KCNH1: variants seen among roughly 807,000 people sequenced by gnomAD.
KCNH1 encodes voltage-gated delayed rectifier potassium channel KCNH1.
KCNH1 carries 27 observed loss-of-function variants against 69.2 expected under a neutral mutation model. That is an observed-to-expected ratio of 0.39 (90% CI 0.29 to 0.54). The LOEUF (loss-of-function observed/expected upper bound fraction) is 0.54, where lower values mean the gene tolerates loss of function less well. KCNH1 is among the 20% of genes least tolerant of loss of function. The pLI, the probability that KCNH1 is intolerant of heterozygous loss-of-function variation, is 0.68. For missense variants in KCNH1, 798 were observed against 1,261.6 expected (o/e 0.63, Z 5.57); for synonymous variants, 456 against 487.7 (o/e 0.93, Z 0.86).
chr1:211,122,658 G>A (rs938129361), intron 1 of KCNH1, among the ~76,000 whole-genome samples: 4 of 152,200 alleles, frequency 2.6e-5, no homozygotes, highest in Non-Finnish European at 5.9e-5. Context: ...AAAAAGGAAT[G>A]AGATCATGTC....
chr1:210,680,295 AATG>A lies in KCNH1; in HGVS notation c.*2983_*2985del, dbSNP rs1453911756. ...CTCTGGGAAATGGAGCTTCAATATG[AATG>A]ACATTCAAAGTAAAGAATTTAGTAG... On this transcript the variant is annotated 3_prime_UTR_variant, in exon 11 of 11. Transcript: ENST00000271751. 1 of 152,148 alleles carries A rather than the reference AATG, an allele frequency of 6.6e-6. No individual in the cohort carries two copies. The highest frequency in any genetic ancestry group is 1.5e-5 in the Non-Finnish European group (1 of 68,038). The allele number at this position is 152,148 out of a possible 1,614,324, so 9.4% of individuals were successfully genotyped here.
intron 10 of KCNH1, among the ~76,000 whole-genome samples, chr1:210,726,326 T>C (rs993487436): frequency 1.3e-5 from 2 of 152,120 alleles, no homozygotes. Context: ...TGGGAGCAAA[T>C]TGATTATTCA....
chr1:210,845,324 C>G (rs1685515004), intron 7 of KCNH1, among the ~76,000 whole-genome samples: 1 of 152,138 alleles, frequency 6.6e-6, no homozygotes, highest in African/African-American at 2.4e-5. Context: ...ATGCAAAAAT[C>G]CTCAATAAAA....
chr1:210,925,822 G>A (rs1389654415), intron 6 of KCNH1, among the ~76,000 whole-genome samples: 2 of 152,122 alleles, frequency 1.3e-5, no homozygotes, highest in African/African-American at 4.8e-5. Context: ...ATAATCTCTT[G>A]GGAGCCTATT....
chr1:211,007,943 T>C (rs760922474), intron 6 of KCNH1, among the ~76,000 whole-genome samples: 19 of 152,168 alleles, frequency 1.2e-4, no homozygotes, highest in Non-Finnish European at 2.5e-4. Context: ...CCTTGAGCAC[T>C]GTTGGTGGGA....
chr1:211,113,844 C>T (rs1303346259), intron 1 of KCNH1, among the ~76,000 whole-genome samples: 1 of 148,652 alleles, frequency 6.7e-6, no homozygotes, highest in Non-Finnish European at 1.5e-5. Flanking sequence ...CTAGGATCAA[C>T]TGGGGTGGGT....
intron 4 of KCNH1, among the ~76,000 whole-genome samples, chr1:211,086,099 C>A (rs190144769): frequency 6.6e-6 from 1 of 152,182 alleles, no homozygotes; most frequent in African/African-American, 2.4e-5. Context: ...GAGGCTCTAT[C>A]GCAGGTGTTT....
chr1:211,108,096 C>A (rs1228458919), intron 1 of KCNH1, among the ~76,000 whole-genome samples: 1 of 152,214 alleles, frequency 6.6e-6, no homozygotes, highest in Non-Finnish European at 1.5e-5. Flanking sequence ...ACCACACACT[C>A]ATAATGCAGG....
chr1:211,054,682 C>T (rs1453969630), intron 5 of KCNH1, among the ~76,000 whole-genome samples: 1 of 152,012 alleles, frequency 6.6e-6, no homozygotes, highest in Non-Finnish European at 1.5e-5. Flanking sequence ...TTGTTTTGCG[C>T]TAGAAGCAGT....
At chr1:211,041,117 G>A (rs1335230279) in intron 5 of KCNH1, among the ~76,000 whole-genome samples, 1 of 152,082 alleles carries the variant, frequency 6.6e-6, no homozygotes. Context: ...TTTTGAAAGG[G>A]AAGTCTAAAC....
At position 210,777,052 on chromosome 1, in the gene KCNH1, T is replaced by C. The variant is rs180935354; in HGVS notation, c.1916-1508A>G. Among the ~76,000 whole-genome samples the C allele has an allele frequency of 5.9e-5, 9 of 152,312 alleles. No homozygotes were observed. In the East Asian group the frequency reaches 1.5e-3, roughly 26 times the overall value. On this transcript the variant is annotated intron_variant, in intron 9 of 10. Transcript: ENST00000271751. The stretch of plus-strand genomic sequence containing the variant: ...ATGCTACAAAGGGTGAAAAGTAATG[T>C]ATTCAAGGGAGTTGTCAGCCTGTAC...
chr1:210,997,052 A>ATTTGT (rs1558560151), intron 6 of KCNH1, among the ~76,000 whole-genome samples: 13 of 152,190 alleles, frequency 8.5e-5, no homozygotes, highest in Non-Finnish European at 1.9e-4. Context: ...TAAAACCACA[A>ATTTGT]ATATGGGGAA....
chr1:210,992,537 A>G (rs771088621), intron 6 of KCNH1, among the ~76,000 whole-genome samples: 1 of 152,220 alleles, frequency 6.6e-6, no homozygotes, highest in African/African-American at 2.4e-5. Flanking sequence ...CACAAAACAC[A>G]TTCATATTTT....
chr1:211,032,531 C>T (rs1282475600), intron 5 of KCNH1, among the ~76,000 whole-genome samples: 2 of 152,134 alleles, frequency 1.3e-5, no homozygotes, highest in African/African-American at 4.8e-5. Flanking sequence ...GCTACAGTAA[C>T]CAAAACAGCA....
chr1:211,111,441 C>T (rs938338263), intron 1 of KCNH1, among the ~76,000 whole-genome samples: 14 of 149,874 alleles, frequency 9.3e-5, no homozygotes, highest in Non-Finnish European at 2.1e-4. Context: ...TTGCCACCGT[C>T]TGGGAAGTGA....
intron 5 of KCNH1, among the ~76,000 whole-genome samples, chr1:211,025,645 A>G (rs1689669873): frequency 6.6e-6 from 1 of 152,032 alleles, no homozygotes; most frequent in Non-Finnish European, 1.5e-5. Context: ...TGGCCTTTGG[A>G]ACACCAAGCT....
intron 10 of KCNH1, among the ~76,000 whole-genome samples, chr1:210,726,668 G>A (rs1033515949): frequency 2.6e-5 from 4 of 152,202 alleles, no homozygotes; most frequent in East Asian, 3.8e-4. Flanking sequence ...GCAGGATCAG[G>A]TAATTAAGCA....
intron 7 of KCNH1, among the ~76,000 whole-genome samples, chr1:210,828,939 G>C (rs1268089347): frequency 6.6e-6 from 1 of 152,200 alleles, no homozygotes; most frequent in Non-Finnish European, 1.5e-5. Context: ...TATAGCATAA[G>C]ACCGCTTCCA....
chr1:210,729,891 G>T (rs534072433), intron 10 of KCNH1, among the ~76,000 whole-genome samples: 27 of 152,296 alleles, frequency 1.8e-4, no homozygotes, highest in Middle Eastern at 3.4e-3. Flanking sequence ...ATATCAGCTT[G>T]CTTTGAGACT....
Sources: gnomAD v4.1 joint callset for allele counts (sites outside exome capture counted in the v4.1 genomes callset) on GRCh38, gnomAD v4.1.1 for gene constraint, MANE v1.5 for transcripts, NCBI Gene and HGNC (gene_info 2026-07-23, HGNC 2026-07-21) for gene names.